The following ZNF85 variants were observed in gnomAD, a reference collection of about 807,000 sequenced individuals.
ZNF85 encodes the protein zinc finger protein 85, also known as zinc finger protein 85 (HPF4, HTF1).
Under a neutral mutation model 53.9 loss-of-function variants are expected in ZNF85, and 50 were observed. The observed-to-expected ratio is 0.93, with a 90% CI of 0.74 to 1.17. The LOEUF (loss-of-function observed/expected upper bound fraction) is 1.17. Ranked by LOEUF, ZNF85 falls within the 50% of genes most tolerant of loss-of-function variation. The pLI is 0.00. For missense variants in ZNF85, 747 were observed against 688.5 expected, an observed-to-expected ratio of 1.08 and a Z score of -0.95; for synonymous variants, 225 against 226.1, an observed-to-expected ratio of 1.00 and a Z score of 0.04.
At chr19:20,940,141 C>T (rs1973261313) in intron 3 of ZNF85, among the ~76,000 whole-genome samples, 2 of 150,442 alleles carry the variant, frequency 1.3e-5, no homozygotes, top group African/African-American at 4.9e-5. Context: ...AAGGTAATTC[C>T]TGAAAGGATT....
chr19:20,929,302 C>T (rs1377833787), intron 1 of ZNF85, among the ~76,000 whole-genome samples: 2 of 151,952 alleles, frequency 1.3e-5, no homozygotes, highest in Non-Finnish European at 2.9e-5. Flanking sequence ...AATTCTTCTG[C>T]CTCAGCCTCC....
At chr19:20,923,618 T>C (rs1237236808) in intron 1 of ZNF85, among the ~76,000 whole-genome samples, 1 of 152,140 alleles carries the variant, frequency 6.6e-6, no homozygotes, top group African/African-American at 2.4e-5. Context: ...GCAGTGACTG[T>C]GCCCTGGACT....
intron 3 of ZNF85, among the ~76,000 whole-genome samples, chr19:20,939,288 C>T (rs578113000): frequency 8.1e-4 from 123 of 152,260 alleles, no homozygotes; most frequent in African/African-American, 2.9e-3. Flanking sequence ...GACAGTCTTG[C>T]TCTGTCACCC....
Position 20,923,265 on chromosome 19 carries a change from C to T in ZNF85, c.-136C>T, listed in dbSNP as rs1028933574. On this transcript the variant is annotated 5_prime_UTR_variant, in exon 1 of 4. Transcript: ENST00000328178. ...GATGTGGCGGGGCCTTTGTCTCTCG[C>T]TGCAGCCTGAGCTCTAGGTCTTGTT... The T allele has an allele frequency of 4.9e-5, 69 of 1,406,588 alleles. No individual in the cohort carries two copies. Among genetic ancestry groups the T allele is most frequent in the Non-Finnish European group, 6.0e-5 (61 of 1,015,386 alleles). The allele number at this position is 1,406,588 out of a possible 1,614,324, so 87.1% of individuals were successfully genotyped here. A position where few individuals can be genotyped will look rare whatever the true frequency, so the allele number is the denominator to read the frequency against.
chr19:20,923,997 A>G (rs1185861599), intron 1 of ZNF85, among the ~76,000 whole-genome samples: 3 of 151,876 alleles, frequency 2.0e-5, no homozygotes, highest in Non-Finnish European at 2.9e-5. Context: ...AGGCAGGAGA[A>G]TCGCTTGAAC....
At chr19:20,940,116 A>C (rs1973260417) in intron 3 of ZNF85, among the ~76,000 whole-genome samples, 1 of 151,546 alleles carries the variant, frequency 6.6e-6, no homozygotes, top group South Asian at 2.1e-4. Context: ...AAAAAAAAAA[A>C]CACTTTGTGA....
intron 3 of ZNF85, among the ~76,000 whole-genome samples, chr19:20,935,265 T>C (rs946050062): frequency 1.3e-5 from 2 of 152,228 alleles, no homozygotes; most frequent in African/African-American, 4.8e-5. Context: ...CCTTCGGTGA[T>C]CTTCAAGTTT....
In ZNF85 at chr19:20,934,933, A is replaced by C. The variant is rs752665359; in HGVS notation, c.131-16A>C. On this transcript the variant is annotated splice_polypyrimidine_tract_variant and intron_variant, in intron 2 of 3. Transcript: ENST00000328178. ...AATATGAGCAAGATTTATATTATTT[A>C]TTTTTAATAAAACAGGTATTACTGT... The C allele has an allele frequency of 2.5e-6, 4 of 1,570,334 alleles. No homozygotes were observed. The African/African-American group carries it at 5.5e-5, about 22-fold the overall frequency.
Position 20,949,653 on chromosome 19 carries a change from A to G in ZNF85, c.1139A>G (p.Asn380Ser). The change falls in exon 4 of 4, where the codon AAT (asparagine) becomes AGT (serine). Residue 380 changes from asparagine (N) to serine (S), a missense_variant. By Grantham distance (46) the Asn-to-Ser change is conservative. Coordinates refer to ENST00000328178, the MANE Select transcript of ZNF85 (RefSeq NM_003429.5). The stretch of plus-strand genomic sequence containing the variant: ...TGTGAAAAATGTGGAAAAGCCTTTA[A>G]TCATTTCTCACACCTTACTACACAT... ...YKCEKCGKAFNHFSHLTTHKI... is the reference protein window; with the variant it reads ...YKCEKCGKAFSHFSHLTTHKI... 1 of 1,613,418 alleles carries G rather than the reference A, an allele frequency of 6.2e-7. No individual in the cohort carries two copies. Among genetic ancestry groups the G allele is most frequent in the East Asian group, 2.2e-5 (1 of 44,826 alleles).
In ZNF85 at chr19:20,949,514, A is replaced by T. The variant is rs542453633; in HGVS notation, c.1000A>T (p.Ile334Leu). The T allele has an allele frequency of 6.2e-7, 1 of 1,613,494 alleles. No homozygotes were observed. Among genetic ancestry groups the T allele is most frequent in the African/African-American group, 1.3e-5 (1 of 75,028 alleles). Residue 334 changes from isoleucine to leucine, a missense_variant, in exon 4 of 4, where the codon ATA (isoleucine) becomes TTA (leucine). By Grantham distance (5) the Ile-to-Leu change is conservative. Coordinates refer to ENST00000328178, the MANE Select transcript of ZNF85 (RefSeq NM_003429.5). ...GTCCTCAAACCTTACTACACATAAG[A>T]TAATTCATACTGGAGAGAAACCCTA... is the stretch of plus-strand genomic sequence containing the variant. Reference protein sequence around the residue: ...KQSSNLTTHKIIHTGEKPYKC... With the variant: ...KQSSNLTTHKLIHTGEKPYKC...
chr19:20,942,500 A>G (rs1973320751), intron 3 of ZNF85, among the ~76,000 whole-genome samples: 1 of 152,152 alleles, frequency 6.6e-6, no homozygotes, highest in South Asian at 2.1e-4. Context: ...GTGTTTGGCT[A>G]TAGTTTATAA....
At chr19:20,926,159 A>T (rs933649935) in intron 1 of ZNF85, among the ~76,000 whole-genome samples, 1 of 152,186 alleles carries the variant, frequency 6.6e-6, no homozygotes, top group South Asian at 2.1e-4. Context: ...TCCACAAGAA[A>T]ATGTGGTATA....
intron 3 of ZNF85, among the ~76,000 whole-genome samples, chr19:20,941,323 G>A (rs574820368): frequency 6.6e-6 from 1 of 152,232 alleles, no homozygotes; most frequent in African/African-American, 2.4e-5. Flanking sequence ...CTGGTGTGCA[G>A]TAGCATGAAC....
At position 20,948,755 on chromosome 19, in the gene ZNF85, C is replaced by G; in HGVS notation, c.241C>G (p.His81Asp). ...MVAKPTVMCSHFAQDLWPEQN... is the reference protein window; with the variant it reads ...MVAKPTVMCSDFAQDLWPEQN... Reference sequence around the variant, plus strand: ...TTTGTTTCTTTCAGTTATGTGTTCTCATTTTGCCCAAGACCTTTGGCCGGA... The same window carrying G: ...TTTGTTTCTTTCAGTTATGTGTTCTGATTTTGCCCAAGACCTTTGGCCGGA... Residue 81 changes from histidine (H) to aspartate (D), a missense_variant, in exon 4 of 4, where the codon CAT becomes GAT. By Grantham distance (81) the His-to-Asp change is moderately conservative. Coordinates refer to ENST00000328178, the MANE Select transcript of ZNF85 (RefSeq NM_003429.5). The G allele has an allele frequency of 6.4e-7, 1 of 1,555,690 alleles. No homozygotes were observed. The highest frequency in any genetic ancestry group is 8.7e-7 in the Non-Finnish European group (1 of 1,154,784).
At position 20,949,325 on chromosome 19, in the gene ZNF85, T is replaced by C; in HGVS notation, c.811T>C (p.Ser271Pro). The stretch of plus-strand genomic sequence containing the variant: ...ATGTGGCAAAACTTTTAACCGATTC[T>C]CAACTCTTACTACCCATAAGATAAT... ...EECGKTFNRF[S>P]TLTTHKIIHT... The change falls in exon 4 of 4, where the codon TCA becomes CCA. Residue 271 changes from serine (S) to proline (P), a missense_variant. Ser to Pro is a moderately conservative substitution (Grantham distance 74). Coordinates refer to ENST00000328178, the MANE Select transcript of ZNF85 (RefSeq NM_003429.5). 6.2e-7 allele frequency: 1 copy of C among 1,608,912 alleles called. No individual in the cohort carries two copies. The highest frequency in any genetic ancestry group is 8.5e-7 in the Non-Finnish European group (1 of 1,176,884).
chr19:20,930,960 A>G (rs536743963), intron 1 of ZNF85, among the ~76,000 whole-genome samples: 1 of 152,234 alleles, frequency 6.6e-6, no homozygotes, highest in Non-Finnish European at 1.5e-5. Context: ...TTTTTAGTAG[A>G]GACTGCGTTT....
intron 1 of ZNF85, among the ~76,000 whole-genome samples, chr19:20,929,206 TGAGACACC>T (rs1972951288): frequency 1.3e-5 from 2 of 151,876 alleles, no homozygotes; most frequent in Admixed American, 1.3e-4. Flanking sequence ...TTTTTTTGTT[TGAGACACC>T]GTCTTGCTCT....
chr19:20,933,029 C>CAAA (rs59744700), intron 1 of ZNF85, among the ~76,000 whole-genome samples: 21 of 138,672 alleles, frequency 1.5e-4, no homozygotes, highest in South Asian at 1.2e-3. Flanking sequence ...ACTAAAAATA[C>CAAA]AAAAAAAAAA....
Position 20,949,866 on chromosome 19 carries a change from A to G in ZNF85, c.1352A>G (p.Glu451Gly), listed in dbSNP as rs760450543. The G allele has an allele frequency of 3.7e-6, 6 of 1,612,874 alleles. No homozygotes were observed. The Admixed American group carries it at 5.0e-5, about 13-fold the overall frequency. ...GAACATAAGAAAATTCATACTGGAGAGAAACCCTATGAATGTGAAAAATGT... is the reference window on the plus strand; with the variant it reads ...GAACATAAGAAAATTCATACTGGAGGGAAACCCTATGAATGTGAAAAATGT... ...LTEHKKIHTG[E>G]KPYECEKCGK... The change falls in exon 4 of 4, where the codon GAG (glutamate) becomes GGG (glycine). Residue 451 changes from glutamate (E) to glycine (G), a missense_variant. Glu to Gly is a moderately conservative substitution (Grantham distance 98). Transcript: ENST00000328178.
Sources: gnomAD v4.1 joint callset for allele counts (sites outside exome capture counted in the v4.1 genomes callset) on GRCh38, gnomAD v4.1.1 for gene constraint, MANE v1.5 for transcripts, NCBI Gene and HGNC (gene_info 2026-07-23, HGNC 2026-07-21) for gene names.